Variants in BLTP3B observed in about 807,000 individuals in gnomAD.
The protein encoded by BLTP3B is bridge-like lipid transfer protein family member 3B, also known as UHRF1 (ICBP90) binding protein 1-like.
chr12:100,113,246 T>G, the BLTP3B span, among the ~76,000 whole-genome samples: 1 of 151,818 alleles, frequency 6.6e-6, no homozygotes, highest in Non-Finnish European at 1.5e-5. Context: ...GAGGCTGAGG[T>G]GGCTGGATCA....
chr12:100,054,411 G>A, the BLTP3B span, among the ~76,000 whole-genome samples: 3 of 152,028 alleles, frequency 2.0e-5, no homozygotes, highest in Admixed American at 2.0e-4. Context: ...AATTGTGGTT[G>A]TATTTTCCAA....
At chr12:100,059,608 C>CCGGGCGCGGTGGCTCACGCCTGTAA in the BLTP3B span, 1 of 1,436,266 alleles carries the variant, frequency 7.0e-7, no homozygotes, top group Non-Finnish European at 9.2e-7. Context: ...CATGACTTAG[C>CCGGGCGCGGTGGCTCACGCCTGTAA]TCAGAAATTC....
chr12:100,128,318 G>A, the BLTP3B span, among the ~76,000 whole-genome samples: 3 of 152,152 alleles, frequency 2.0e-5, no homozygotes, highest in East Asian at 5.8e-4. Flanking sequence ...GGAAGAGATG[G>A]TTATAACTTT....
At chr12:100,077,580 A>C in the BLTP3B span, among the ~76,000 whole-genome samples, 13 of 152,240 alleles carry the variant, frequency 8.5e-5, no homozygotes, top group African/African-American at 3.1e-4. Flanking sequence ...ATCCCTGTCC[A>C]GTTGTGACAA....
the BLTP3B span, chr12:100,059,747 A>G: frequency 4.6e-6 from 6 of 1,293,060 alleles, no homozygotes; most frequent in Non-Finnish European, 6.4e-6. Flanking sequence ...TCTTTTTAAA[A>G]AACATAACAT....
At chr12:100,129,366 A>G in the BLTP3B span, among the ~76,000 whole-genome samples, 1 of 152,186 alleles carries the variant, frequency 6.6e-6, no homozygotes, top group Non-Finnish European at 1.5e-5. Context: ...AGAGCAACCA[A>G]TTTATGTTCT....
At chr12:100,047,287 C>T in the BLTP3B span, among the ~76,000 whole-genome samples, 2 of 152,028 alleles carry the variant, frequency 1.3e-5, no homozygotes, top group Admixed American at 1.3e-4. Context: ...AACCTGAAGT[C>T]AGGAGTTTGA....
the BLTP3B span, among the ~76,000 whole-genome samples, chr12:100,085,652 C>T: frequency 1.3e-5 from 2 of 152,060 alleles, no homozygotes; most frequent in African/African-American, 4.8e-5. Context: ...TCCTGGAAAA[C>T]TCTATGATCT....
At chr12:100,048,835 G>C in the BLTP3B span, among the ~76,000 whole-genome samples, 1 of 145,948 alleles carries the variant, frequency 6.9e-6, no homozygotes, top group South Asian at 2.2e-4. Flanking sequence ...CTTATGCCTG[G>C]ACCCTGTCCC....
At chr12:100,104,094 A>G in the BLTP3B span, 10 of 500,498 alleles carry the variant, frequency 2.0e-5, no homozygotes, top group African/African-American at 1.2e-4. Flanking sequence ...AAATAAACTA[A>G]GCAACTCACT....
chr12:100,136,900 C>T, the BLTP3B span, among the ~76,000 whole-genome samples: 364 of 152,220 alleles, frequency 2.4e-3, 2 homozygotes, highest in African/African-American at 8.3e-3. Flanking sequence ...CAACTTCCAC[C>T]TCCCGGGCTC....
At chr12:100,071,835 C>T in the BLTP3B span, among the ~76,000 whole-genome samples, 417 of 152,276 alleles carry the variant, frequency 2.7e-3, 1 homozygote, top group African/African-American at 9.7e-3. Flanking sequence ...AGTTATATAG[C>T]TGACATATAA....
the BLTP3B span, chr12:100,047,849 AAT>A: frequency 1.5e-5 from 18 of 1,219,126 alleles, no homozygotes; most frequent in Non-Finnish European, 1.9e-5. Context: ...ATGCTGATAG[AAT>A]ATATTTTATA....
chr12:100,037,427 G>A, the BLTP3B span: 3 of 1,300,562 alleles, frequency 2.3e-6, no homozygotes, highest in Non-Finnish European at 9.7e-7. Context: ...AGAGGGTTAA[G>A]CCCCAAAACA....
the BLTP3B span, among the ~76,000 whole-genome samples, chr12:100,043,142 C>T: frequency 3.3e-5 from 5 of 152,164 alleles, no homozygotes; most frequent in Admixed American, 6.5e-5. Flanking sequence ...ATTTTTTAGA[C>T]ATAATAATAG....
At chr12:100,082,218 G>A in the BLTP3B span, among the ~76,000 whole-genome samples, 1 of 152,184 alleles carries the variant, frequency 6.6e-6, no homozygotes, top group East Asian at 1.9e-4. Context: ...CTTTTGAGAA[G>A]TGTGTGTTCA....
chr12:100,139,670 G>GT, the BLTP3B span, among the ~76,000 whole-genome samples: 1 of 152,170 alleles, frequency 6.6e-6, no homozygotes, highest in Non-Finnish European at 1.5e-5. Flanking sequence ...AAAAAGCAAT[G>GT]TAAGAGAAAG....
chr12:100,093,546 T>C, the BLTP3B span, among the ~76,000 whole-genome samples: 8,357 of 152,298 alleles, frequency 0.055, 286 homozygotes, highest in South Asian at 0.069. Flanking sequence ...TGCCACTCTA[T>C]CTTGTTTCCC....
At chr12:100,089,087 T>C in the BLTP3B span, 4 of 1,558,970 alleles carry the variant, frequency 2.6e-6, no homozygotes, top group Admixed American at 2.0e-5. Context: ...ATGCGACTAC[T>C]GTAGAGCTCT....
Sources: gnomAD v4.1 joint callset for allele counts (sites outside exome capture counted in the v4.1 genomes callset) on GRCh38, gnomAD v4.1.1 for gene constraint, MANE v1.5 for transcripts, NCBI Gene and HGNC (gene_info 2026-07-23, HGNC 2026-07-21) for gene names.